Variants in CDH23 observed in about 807,000 individuals in gnomAD.
CDH23 encodes the protein cadherin related 23.
In CDH23, 189 loss-of-function variants were observed where a neutral mutation model predicts 317.1. That is an observed-to-expected ratio of 0.60 (90% CI 0.53 to 0.67). The LOEUF is 0.67. CDH23 is among the 30% of genes least tolerant of loss of function. The probability of loss-of-function intolerance (pLI) is 0.00; values close to 1 mark genes in which losing one functional copy is unlikely to be tolerated. For synonymous variants in CDH23, 1,839 were observed against 1,876.8 expected, an observed-to-expected ratio of 0.98 and a Z score of 0.52; for missense variants, 4,401 against 4,592.4, an observed-to-expected ratio of 0.96 and a Z score of 1.20.
Position 71,784,325 on chromosome 10 carries a change from G to A in CDH23, c.5407G>A (p.Val1803Ile). The change falls in exon 42 of 70, where the codon GTC (valine) becomes ATC (isoleucine). Residue 1803 changes from valine (V) to isoleucine (I), a missense_variant. This residue lies in a region of CDH23 where 3,068 missense variants were observed against 3,203.3 expected (regional missense o/e 0.96). Transcript: ENST00000224721. ...CTCTCCTGTGGAGGGGGTGCTAAGG[G>A]TCCGGAAGGACGTGGAGCTGGACCG... ...VISPVEGVLR[V>I]RKDVELDRET... The A allele has an allele frequency of 6.2e-7, 1 of 1,613,944 alleles. No homozygotes were observed. The highest frequency in any genetic ancestry group is 8.5e-7 in the Non-Finnish European group (1 of 1,179,846).
At chr10:71,707,081 G>C (rs1022242460) in intron 26 of CDH23, 32 bp downstream of exon 26, 1 of 1,582,004 alleles carries the variant, frequency 6.3e-7, no homozygotes, top group South Asian at 1.2e-5. Context: ...ACCTGTGCAG[G>C]CCTCCTGGGG....
intron 38 of CDH23, among the ~76,000 whole-genome samples, chr10:71,759,974 CACACACATAT>C: frequency 1.0e-5 from 1 of 95,520 alleles, no homozygotes; most frequent in African/African-American, 3.3e-5. Flanking sequence ...TATATATACA[CACACACATAT>C]ATATACACAC....
chr10:71,548,289 G>A (rs1856397734), intron 6 of CDH23, among the ~76,000 whole-genome samples: 1 of 152,204 alleles, frequency 6.6e-6, no homozygotes, highest in Non-Finnish European at 1.5e-5. Flanking sequence ...GTATGTGTGT[G>A]CGTGGTGGAG....
At chr10:71,761,762 C>T (rs200390302) in intron 38 of CDH23, 59 of 1,614,018 alleles carry the variant, frequency 3.7e-5, no homozygotes, top group Non-Finnish European at 4.3e-5. Context: ...CAGCCCGTGG[C>T]GCTGAGCCAG....
chr10:71,740,979 T>C (rs1424354768), intron 37 of CDH23, 29 bp downstream of exon 37: 2 of 1,613,442 alleles, frequency 1.2e-6, no homozygotes, highest in Non-Finnish European at 1.7e-6. Context: ...CCCATATAGC[T>C]GGACATACGG....
intron 28 of CDH23, chr10:71,713,099 C>T (rs1589362477): frequency 3.9e-6 from 3 of 767,480 alleles, no homozygotes; most frequent in Non-Finnish European, 7.3e-6. Context: ...CCAGAAGGGC[C>T]TTTCAGAGTA....
chr10:71,782,625 C>T (rs1220544616), intron 41 of CDH23, among the ~76,000 whole-genome samples: 3 of 152,244 alleles, frequency 2.0e-5, no homozygotes, highest in African/African-American at 7.2e-5. Flanking sequence ...CAGCCCCCAG[C>T]CCCTCAGGCC....
chr10:71,615,254 G>T (rs1203461622), intron 9 of CDH23, among the ~76,000 whole-genome samples: 1 of 152,130 alleles, frequency 6.6e-6, no homozygotes, highest in Non-Finnish European at 1.5e-5. Flanking sequence ...TCCCTGGCTG[G>T]GTCACAGAGA....
chr10:71,536,719 G>A (rs1262454284), intron 6 of CDH23, among the ~76,000 whole-genome samples: 1 of 152,096 alleles, frequency 6.6e-6, no homozygotes, highest in East Asian at 1.9e-4. Flanking sequence ...GGGTCAGTAG[G>A]GTAAGCTGGA....
At chr10:71,812,094 A>T in intron 66 of CDH23, 79 bp downstream of exon 66, 2 of 1,610,154 alleles carry the variant, frequency 1.2e-6, no homozygotes, top group East Asian at 2.2e-5. Flanking sequence ...GCAGTCTCCC[A>T]GCGCTGGGGC....
chr10:71,520,467 C>T (rs542715801), intron 6 of CDH23, among the ~76,000 whole-genome samples: 3 of 152,202 alleles, frequency 2.0e-5, no homozygotes, highest in Non-Finnish European at 2.9e-5. Flanking sequence ...AGGGTCACCC[C>T]GCAATTAGTG....
chr10:71,425,709 C>T (rs1849045646), intron 1 of CDH23, among the ~76,000 whole-genome samples: 2 of 152,252 alleles, frequency 1.3e-5, no homozygotes, highest in Admixed American at 1.3e-4. Flanking sequence ...GGCCCAGACT[C>T]TGTTGCTGAC....
Position 71,570,709 on chromosome 10 carries a change from T to C in CDH23, c.625-81T>C, listed in dbSNP as rs1857736096. The C allele has an allele frequency of 3.4e-6, 5 of 1,489,806 alleles. No homozygotes were observed. The East Asian group carries it at 9.8e-5, about 29-fold the overall frequency. The allele number at this position is 1,489,806 out of a possible 1,614,324, so 92.3% of individuals were successfully genotyped here. On this transcript the variant is annotated intron_variant, in intron 7 of 69. Transcript: ENST00000224721. ...GCACTTATGTGCTGCACGGTGCAGG[T>C]CTGTGTGTGTGTGTACATATGTGTG... is the stretch of plus-strand genomic sequence containing the variant.
At position 71,439,830 on chromosome 10, in the gene CDH23, C is replaced by T; in HGVS notation, c.-2C>T. The T allele has an allele frequency of 6.4e-6, 10 of 1,561,950 alleles. No individual in the cohort carries two copies. Among genetic ancestry groups the T allele is most frequent in the Non-Finnish European group, 8.7e-6 (10 of 1,151,954 alleles). On this transcript the variant is annotated 5_prime_UTR_variant, in exon 2 of 70. Transcript: ENST00000224721. ...TTCTCTTTCTTTGTGTCCCCAGGAG[C>T]CATGGGGCGCCATGTTGCCACCAGC...
chr10:71,706,040 G>C (rs545906374), intron 25 of CDH23, among the ~76,000 whole-genome samples: 1 of 152,152 alleles, frequency 6.6e-6, no homozygotes, highest in Non-Finnish European at 1.5e-5. Flanking sequence ...CTTATTGGCC[G>C]ATGATGGACA....
intron 3 of CDH23, among the ~76,000 whole-genome samples, chr10:71,484,108 C>T (rs1852216412): frequency 6.6e-6 from 1 of 152,212 alleles, no homozygotes; most frequent in East Asian, 1.9e-4. Context: ...GGGGTGAGGG[C>T]TTGAGGCATG....
chr10:71,790,803 C>A (rs1841230929), intron 46 of CDH23: 1 of 474,554 alleles, frequency 2.1e-6, no homozygotes, highest in East Asian at 3.8e-5. Context: ...CAGGAGGCCG[C>A]TTTGGTGACA....
chr10:71,792,744 C>A (rs1841284189), intron 47 of CDH23, among the ~76,000 whole-genome samples: 1 of 143,614 alleles, frequency 7.0e-6, no homozygotes, highest in African/African-American at 2.6e-5. Flanking sequence ...ATCACTTGAA[C>A]CTGGGAAGCA....
At chr10:71,801,150 C>CTCTTTTTTT (rs765969201) in intron 53 of CDH23, among the ~76,000 whole-genome samples, 1 of 73,984 alleles carries the variant, frequency 1.4e-5, no homozygotes, top group African/African-American at 5.9e-5. Flanking sequence ...CTCTCTCTCT[C>CTCTTTTTTT]TTTTTTTTTT....
Sources: gnomAD v4.1 joint callset for allele counts (sites outside exome capture counted in the v4.1 genomes callset) on GRCh38, gnomAD v4.1.1 for gene constraint, gnomAD v4.1.1 regional missense constraint, MANE v1.5 for transcripts, NCBI Gene and HGNC (gene_info 2026-07-23, HGNC 2026-07-21) for gene names.